Variants in TFAP2D observed in about 807,000 individuals in gnomAD.
TFAP2D encodes the protein transcription factor AP-2-delta.
In TFAP2D, 9 loss-of-function variants were observed where a neutral mutation model predicts 43.6. The observed-to-expected ratio is 0.21, with a 90% CI of 0.12 to 0.36. The LOEUF (loss-of-function observed/expected upper bound fraction) is 0.36. Ranked by LOEUF, TFAP2D falls within the 10% of genes least tolerant of loss-of-function variation. The pLI, the probability that TFAP2D is intolerant of heterozygous loss-of-function variation, is 1.00. For missense variants in TFAP2D, 513 were observed against 561.4 expected, an observed-to-expected ratio of 0.91 and a Z score of 0.87; for synonymous variants, 256 against 224.9, an observed-to-expected ratio of 1.14 and a Z score of -1.24.
At chr6:50,756,979 C>T (rs1016553678) in intron 7 of TFAP2D, among the ~76,000 whole-genome samples, 5 of 151,782 alleles carry the variant, frequency 3.3e-5, no homozygotes, top group African/African-American at 1.2e-4. Flanking sequence ...CTCATAATCT[C>T]CTTGAATCTG....
intron 1 of TFAP2D, 22 bp from the exon 2 acceptor site, chr6:50,715,094 C>G (rs994495019): frequency 1.2e-6 from 2 of 1,604,990 alleles, no homozygotes; most frequent in South Asian, 2.2e-5. Context: ...TCTGCTCTCC[C>G]TTTTCCCCCT....
intron 5 of TFAP2D, among the ~76,000 whole-genome samples, chr6:50,742,698 G>T (rs966638076): frequency 2.6e-5 from 4 of 151,950 alleles, no homozygotes; most frequent in African/African-American, 9.7e-5. Flanking sequence ...ATAACAATGT[G>T]CAGCTATATT....
intron 7 of TFAP2D, among the ~76,000 whole-genome samples, chr6:50,769,933 A>G (rs941205862): frequency 1.3e-5 from 2 of 152,226 alleles, no homozygotes; most frequent in Admixed American, 6.5e-5. Flanking sequence ...CAAAAATTAG[A>G]TATTAACTTC....
At chr6:50,767,534 C>G (rs780335941) in intron 7 of TFAP2D, among the ~76,000 whole-genome samples, 1 of 152,146 alleles carries the variant, frequency 6.6e-6, no homozygotes, top group Non-Finnish European at 1.5e-5. Context: ...TTACTTCTTT[C>G]TCCCAGGAAT....
rs6906213 is a variant in TFAP2D at position 50,730,824 on chromosome 6, G to A, written c.883+1512G>A. ...TTAAAGCTCCCCAGGTGATTCTGAT[G>A]TATAGTGGTGTTTAAATATCATTGA... On this transcript the variant is annotated intron_variant, in intron 5 of 7. Coordinates refer to ENST00000008391, the MANE Select transcript of TFAP2D (RefSeq NM_172238.4). 3.2e-3 allele frequency among the ~76,000 whole-genome samples: 480 copies of A among 152,194 alleles called. 2 individuals are homozygous for A. Among genetic ancestry groups the A allele is most frequent in the African/African-American group, 0.011 (460 of 41,550 alleles).
chr6:50,763,116 G>T (rs1769388566), intron 7 of TFAP2D, among the ~76,000 whole-genome samples: 1 of 152,014 alleles, frequency 6.6e-6, no homozygotes, highest in Non-Finnish European at 1.5e-5. Flanking sequence ...TCCTATCATT[G>T]ATTTTGGCCC....
At chr6:50,721,047 C>T (rs116663502) in intron 3 of TFAP2D, among the ~76,000 whole-genome samples, 5 of 152,164 alleles carry the variant, frequency 3.3e-5, no homozygotes, top group African/African-American at 1.2e-4. Flanking sequence ...CCTCTCACCC[C>T]CTCACTCAAT....
intron 7 of TFAP2D, among the ~76,000 whole-genome samples, chr6:50,770,537 C>G (rs1391045949): frequency 6.6e-6 from 1 of 152,032 alleles, no homozygotes; most frequent in Non-Finnish European, 1.5e-5. Flanking sequence ...ATATACCCAG[C>G]CAACAATCTC....
At chr6:50,739,075 T>C (rs1388123191) in intron 5 of TFAP2D, among the ~76,000 whole-genome samples, 2 of 152,072 alleles carry the variant, frequency 1.3e-5, no homozygotes, top group Non-Finnish European at 2.9e-5. Context: ...GGTGAAACAC[T>C]TTTTTTTCTA....
chr6:50,772,576 A>G, intron 7 of TFAP2D, 69 bp from the exon 8 acceptor site: 2 of 1,337,792 alleles, frequency 1.5e-6, no homozygotes, highest in South Asian at 2.4e-5. Flanking sequence ...AATTATATGG[A>G]GAGATTTGCT....
At chr6:50,762,856 G>C (rs999105652) in intron 7 of TFAP2D, among the ~76,000 whole-genome samples, 4 of 151,998 alleles carry the variant, frequency 2.6e-5, no homozygotes, top group South Asian at 2.1e-4. Flanking sequence ...TAGAGACAGA[G>C]AGAGACAGAG....
chr6:50,767,592 G>T lies in TFAP2D; in HGVS notation c.1140-5053G>T, dbSNP rs577610146. 1.5e-4 allele frequency among the ~76,000 whole-genome samples: 23 copies of T among 152,274 alleles called. No homozygotes were observed. The South Asian group carries it at 1.9e-3, about 12-fold the overall frequency. ...TTTGGCAAGTTTCTATCCTTTGGAA[G>T]TAACACACCTGTTTTTCAGGCATGA... is the stretch of plus-strand genomic sequence containing the variant. On this transcript the variant is annotated intron_variant, in intron 7 of 7. Transcript: ENST00000008391.
intron 7 of TFAP2D, 85 bp downstream of exon 7, chr6:50,751,409 T>A (rs1769197845): frequency 1.2e-6 from 1 of 861,648 alleles, no homozygotes; most frequent in Admixed American, 1.9e-5. Context: ...GAGATACCAC[T>A]TATATGTTTA....
chr6:50,737,261 C>T (rs1333520029), intron 5 of TFAP2D, among the ~76,000 whole-genome samples: 1 of 152,136 alleles, frequency 6.6e-6, no homozygotes, highest in Non-Finnish European at 1.5e-5. Context: ...AGAGCTGTGG[C>T]CCCCATTGCT....
At position 50,772,752 on chromosome 6, in the gene TFAP2D, A is replaced by C; in HGVS notation, c.1247A>C (p.Lys416Thr). ...TACTTGGAAAAACACACTACTCACA[A>C]GAACGGCGGAGCGGCGGATTCTGGC... ...LNYLEKHTTH[K>T]NGGAADSGQG... Residue 416 changes from lysine (K) to threonine (T), a missense_variant, in exon 8 of 8, where the codon AAG (lysine) becomes ACG (threonine). Around this residue, in one of 3 missense-constraint regions of TFAP2D, gnomAD observed 199 missense variants for 227.9 expected, o/e 0.87. Transcript: ENST00000008391. 2 of 1,614,178 alleles carry C rather than the reference A, an allele frequency of 1.2e-6. No homozygotes were observed. The highest frequency in any genetic ancestry group is 1.7e-6 in the Non-Finnish European group (2 of 1,180,016).
chr6:50,734,454 A>T (rs1473773384), intron 5 of TFAP2D, among the ~76,000 whole-genome samples: 1 of 152,042 alleles, frequency 6.6e-6, no homozygotes, highest in Non-Finnish European at 1.5e-5. Context: ...CTAATTTCTC[A>T]CTCATCGCAG....
intron 3 of TFAP2D, among the ~76,000 whole-genome samples, chr6:50,720,053 G>A (rs1768693944): frequency 6.6e-6 from 1 of 152,210 alleles, no homozygotes; most frequent in African/African-American, 2.4e-5. Context: ...AGTAACCCGA[G>A]CAGCACACAA....
At chr6:50,730,426 T>C (rs1768870281) in intron 5 of TFAP2D, among the ~76,000 whole-genome samples, 1 of 152,088 alleles carries the variant, frequency 6.6e-6, no homozygotes, top group Non-Finnish European at 1.5e-5. Context: ...TTGTGTTGTG[T>C]TTGCCTGCGT....
intron 2 of TFAP2D, among the ~76,000 whole-genome samples, chr6:50,717,142 A>AT (rs920656442): frequency 1.3e-5 from 2 of 152,282 alleles, no homozygotes; most frequent in South Asian, 2.1e-4. Context: ...TCTGCTGCTG[A>AT]TTTTTTTGTA....
Sources: allele counts gnomAD v4.1 joint callset (sites outside exome capture counted in the v4.1 genomes callset), GRCh38; gene constraint gnomAD v4.1.1; regional missense constraint gnomAD v4.1.1; transcripts MANE v1.5; gene names NCBI Gene and HGNC (gene_info 2026-07-23, HGNC 2026-07-21).